Variants in CAST observed in about 807,000 individuals in gnomAD.
The protein encoded by CAST is MIR583 host.
CAST carries 76 observed loss-of-function variants against 119.6 expected under a neutral mutation model. That is an observed-to-expected ratio of 0.64 (90% CI 0.53 to 0.77). The LOEUF (loss-of-function observed/expected upper bound fraction) is 0.77, where lower values mean the gene tolerates loss of function less well. Ranked by LOEUF, CAST falls within the 30% of genes least tolerant of loss-of-function variation. CAST has a pLI of 0.00. For synonymous variants in CAST, 319 were observed against 331.6 expected, an observed-to-expected ratio of 0.96 and a Z score of 0.41; for missense variants, 953 against 946.5, an observed-to-expected ratio of 1.01 and a Z score of -0.09.
At chr5:96,662,771 TGAATGA>T (rs1748730274) in intron 1 of CAST, among the ~76,000 whole-genome samples, 1 of 151,564 alleles carries the variant, frequency 6.6e-6, no homozygotes, top group African/African-American at 2.4e-5. Context: ...AAGACGTGGG[TGAATGA>T]GGATGAGGAT....
chr5:96,046,841 A>G, the CAST span, among the ~76,000 whole-genome samples: 3 of 152,142 alleles, frequency 2.0e-5, no homozygotes, highest in Admixed American at 1.3e-4. Flanking sequence ...GCAGCAAGAG[A>G]AAAATGAGGA....
the CAST span, among the ~76,000 whole-genome samples, chr5:96,342,259 G>T: frequency 6.6e-6 from 1 of 152,188 alleles, no homozygotes; most frequent in African/African-American, 2.4e-5. Flanking sequence ...ATAATAAAAA[G>T]GAAATAAACA....
the CAST span, among the ~76,000 whole-genome samples, chr5:96,233,639 A>T: frequency 1.3e-5 from 2 of 152,252 alleles, no homozygotes; most frequent in South Asian, 4.1e-4. Flanking sequence ...TGACAGATGG[A>T]TGAACTGGAA....
intron 2 of CAST, among the ~76,000 whole-genome samples, chr5:96,680,571 A>G (rs189696750): frequency 6.6e-6 from 1 of 152,106 alleles, no homozygotes; most frequent in Non-Finnish European, 1.5e-5. Flanking sequence ...TATAGGGCCT[A>G]GTCTGAAAAT....
the CAST span, among the ~76,000 whole-genome samples, chr5:96,314,761 T>C: frequency 1.6e-4 from 25 of 152,322 alleles, no homozygotes; most frequent in Admixed American, 1.2e-3. Flanking sequence ...GATAACCTGT[T>C]CACATTTCTG....
chr5:96,437,560 A>G, the CAST span, among the ~76,000 whole-genome samples: 1 of 152,148 alleles, frequency 6.6e-6, no homozygotes, highest in Non-Finnish European at 1.5e-5. Context: ...TTTCTATGAG[A>G]ATTATAGACT....
chr5:96,218,548 C>T, the CAST span, among the ~76,000 whole-genome samples: 1 of 152,234 alleles, frequency 6.6e-6, no homozygotes, highest in African/African-American at 2.4e-5. Context: ...CCTCTTCCAG[C>T]TTGGCTAAGG....
At chr5:96,416,149 A>C in the CAST span, 2 of 1,446,722 alleles carry the variant, frequency 1.4e-6, no homozygotes, top group East Asian at 4.5e-5. Flanking sequence ...AGAATTATAA[A>C]ACATACAGAA....
At chr5:96,362,685 G>A in the CAST span, among the ~76,000 whole-genome samples, 2 of 152,116 alleles carry the variant, frequency 1.3e-5, no homozygotes, top group African/African-American at 2.4e-5. Context: ...GGGGTTGTTT[G>A]TTTTTCTCTT....
At chr5:96,764,934 C>G (rs533614331) in intron 25 of CAST, among the ~76,000 whole-genome samples, 44 of 152,262 alleles carry the variant, frequency 2.9e-4, no homozygotes, top group Non-Finnish European at 5.4e-4. Flanking sequence ...GAGGCTGCCA[C>G]TAAGACCTCC....
chr5:96,487,500 T>C, the CAST span, among the ~76,000 whole-genome samples: 17 of 152,202 alleles, frequency 1.1e-4, no homozygotes, highest in Non-Finnish European at 1.6e-4. Context: ...TAGACATTGG[T>C]CTCTCATGAG....
intron 1 of CAST, among the ~76,000 whole-genome samples, chr5:96,616,853 G>A (rs767803798): frequency 2.0e-5 from 3 of 150,854 alleles, no homozygotes; most frequent in Non-Finnish European, 4.4e-5. Flanking sequence ...CACTGGCCAA[G>A]ATTATCAAAA....
chr5:96,447,426 T>G, the CAST span, among the ~76,000 whole-genome samples: 1 of 152,174 alleles, frequency 6.6e-6, no homozygotes, highest in Non-Finnish European at 1.5e-5. Flanking sequence ...AGCCACCGAC[T>G]ACATATACCC....
At chr5:96,723,011 A>G (rs1187379867) in intron 4 of CAST, among the ~76,000 whole-genome samples, 3 of 152,010 alleles carry the variant, frequency 2.0e-5, no homozygotes, top group African/African-American at 7.2e-5. Flanking sequence ...TGGTGTGATT[A>G]CACTCACTGC....
chr5:96,527,002 T>C (rs1002214951), upstream of CAST, among the ~76,000 whole-genome samples: 6 of 152,172 alleles, frequency 3.9e-5, no homozygotes, highest in Non-Finnish European at 5.9e-5. Context: ...GTCTTAGCAC[T>C]CACTGAGTCC....
chr5:96,291,858 G>A, the CAST span, among the ~76,000 whole-genome samples: 6 of 150,906 alleles, frequency 4.0e-5, no homozygotes, highest in Non-Finnish European at 1.5e-5. Context: ...GTGTGTGTGT[G>A]TGTGTGTGTG....
chr5:96,489,586 C>T, the CAST span, among the ~76,000 whole-genome samples: 1 of 152,120 alleles, frequency 6.6e-6, no homozygotes. Context: ...AATCCTGGCT[C>T]ATATTGGATG....
chr5:96,399,867 T>A, the CAST span: 1 of 1,036,388 alleles, frequency 9.6e-7, no homozygotes, highest in Non-Finnish European at 1.5e-6. Context: ...GAAGGGTAGA[T>A]ACAAAAAAAT....
chr5:96,489,607 G>A, the CAST span, among the ~76,000 whole-genome samples: 3 of 152,246 alleles, frequency 2.0e-5, no homozygotes, highest in South Asian at 2.1e-4. Flanking sequence ...TAAAAGTTAT[G>A]TAGGACTCAA....
Sources: allele counts gnomAD v4.1 joint callset (sites outside exome capture counted in the v4.1 genomes callset), GRCh38; gene constraint gnomAD v4.1.1; transcripts MANE v1.5; gene names NCBI Gene and HGNC (gene_info 2026-07-23, HGNC 2026-07-21).